The following RABGAP1L variants were observed in gnomAD, a reference collection of about 807,000 sequenced individuals.
RABGAP1L encodes the protein rab GTPase-activating protein 1-like.
A neutral mutation model predicts 137.7 loss-of-function variants in RABGAP1L; 63 were observed. The ratio of observed to expected loss-of-function variants is 0.46; its 90% CI spans 0.37 to 0.56. The LOEUF (loss-of-function observed/expected upper bound fraction) is 0.56. Ranked by LOEUF, RABGAP1L falls within the 20% of genes least tolerant of loss-of-function variation. The pLI is 0.00. For synonymous variants in RABGAP1L, 431 were observed against 433.7 expected, an observed-to-expected ratio of 0.99 and a Z score of 0.08; for missense variants, 1,095 against 1,244.0, an observed-to-expected ratio of 0.88 and a Z score of 1.80.
intron 14 of RABGAP1L, among the ~76,000 whole-genome samples, chr1:174,640,294 A>G (rs1171586525): frequency 1.3e-5 from 2 of 152,114 alleles, no homozygotes; most frequent in Admixed American, 6.6e-5. Flanking sequence ...CAAATAGGAT[A>G]GCATATCTAT....
At chr1:174,257,011 T>G (rs1673191877) in intron 7 of RABGAP1L, among the ~76,000 whole-genome samples, 1 of 152,144 alleles carries the variant, frequency 6.6e-6, no homozygotes, top group East Asian at 1.9e-4. Context: ...TAACTACTTG[T>G]TATTGATATA....
chr1:174,413,669 C>T (rs974884879), intron 13 of RABGAP1L, among the ~76,000 whole-genome samples: 1 of 151,994 alleles, frequency 6.6e-6, no homozygotes, highest in Non-Finnish European at 1.5e-5. Flanking sequence ...GTACCCTCCT[C>T]CCCCCCTTTC....
At chr1:174,959,644 G>C (rs914857687) in intron 20 of RABGAP1L, among the ~76,000 whole-genome samples, 1 of 152,006 alleles carries the variant, frequency 6.6e-6, no homozygotes, top group African/African-American at 2.4e-5. Context: ...TACACATATC[G>C]GATACCCTCT....
intron 13 of RABGAP1L, among the ~76,000 whole-genome samples, chr1:174,525,728 G>T (rs903045760): frequency 6.6e-6 from 1 of 151,970 alleles, no homozygotes; most frequent in Non-Finnish European, 1.5e-5. Flanking sequence ...TAGAGGAAAG[G>T]CTTTCAACTT....
intron 19 of RABGAP1L, among the ~76,000 whole-genome samples, chr1:174,837,194 C>G (rs895495880): frequency 3.0e-5 from 4 of 135,406 alleles, no homozygotes; most frequent in African/African-American, 1.1e-4. Context: ...GCAACAAGAG[C>G]AAAACTCGGT....
At chr1:174,273,115 GAGTA>G (rs548860579) in intron 8 of RABGAP1L, among the ~76,000 whole-genome samples, 149 of 152,096 alleles carry the variant, frequency 9.8e-4, no homozygotes, top group African/African-American at 3.2e-3. Flanking sequence ...AATCATCTTA[GAGTA>G]AGTATAAAGT....
intron 13 of RABGAP1L, among the ~76,000 whole-genome samples, chr1:174,428,394 C>T (rs756798419): frequency 1.6e-4 from 24 of 152,104 alleles, no homozygotes; most frequent in Non-Finnish European, 1.6e-4. Flanking sequence ...TTAGTGCTTT[C>T]TTGTACAAAG....
chr1:174,552,028 G>C (rs1306524855), intron 13 of RABGAP1L, among the ~76,000 whole-genome samples: 1 of 152,024 alleles, frequency 6.6e-6, no homozygotes, highest in East Asian at 1.9e-4. Flanking sequence ...GAAATTAAAA[G>C]CTCCTGAAAA....
chr1:174,231,229 G>T lies in RABGAP1L; in HGVS notation c.416G>T (p.Cys139Phe). The T allele has an allele frequency of 1.2e-6, 2 of 1,613,784 alleles. No homozygotes were observed. The highest frequency in any genetic ancestry group is 1.7e-6 in the Non-Finnish European group (2 of 1,179,724). The change falls in exon 4 of 26, where the codon TGT becomes TTT. Residue 139 changes from cysteine to phenylalanine, a missense_variant. Physicochemically the swap from Cys to Phe is radical, Grantham distance 205. Transcript: ENST00000681986. Reference sequence around the variant, plus strand: ...TTTAATAAACTGACCTACTTAGGATGTATGAAGGTTTCTTCCCCACGTAAT... The same window carrying T: ...TTTAATAAACTGACCTACTTAGGATTTATGAAGGTTTCTTCCCCACGTAAT... ...VLFNKLTYLG[C>F]MKVSSPRNEV...
intron 18 of RABGAP1L, among the ~76,000 whole-genome samples, chr1:174,777,737 T>C (rs1226036723): frequency 6.6e-6 from 1 of 152,156 alleles, no homozygotes; most frequent in Non-Finnish European, 1.5e-5. Context: ...AATTACAATG[T>C]CTGATAGAAC....
chr1:174,940,851 T>TA (rs1199523009), intron 19 of RABGAP1L, among the ~76,000 whole-genome samples: 4 of 152,246 alleles, frequency 2.6e-5, no homozygotes, highest in Non-Finnish European at 5.9e-5. Flanking sequence ...AAACATCTGT[T>TA]AAGACCATCT....
intron 11 of RABGAP1L, among the ~76,000 whole-genome samples, chr1:174,323,137 A>G (rs189373161): frequency 6.6e-6 from 1 of 152,256 alleles, no homozygotes; most frequent in Non-Finnish European, 1.5e-5. Context: ...CTGTCCTACT[A>G]TGTTTGAAGA....
At chr1:174,420,939 T>C (rs1651210486) in intron 13 of RABGAP1L, among the ~76,000 whole-genome samples, 1 of 152,160 alleles carries the variant, frequency 6.6e-6, no homozygotes, top group Non-Finnish European at 1.5e-5. Flanking sequence ...CCTCCCAAAG[T>C]GCTGGGATTA....
At chr1:174,449,881 A>C (rs1049151215) in intron 13 of RABGAP1L, among the ~76,000 whole-genome samples, 6 of 152,120 alleles carry the variant, frequency 3.9e-5, no homozygotes, top group Non-Finnish European at 5.9e-5. Flanking sequence ...GTTTCCTAAC[A>C]GTCTCCTGTT....
intron 19 of RABGAP1L, among the ~76,000 whole-genome samples, chr1:174,842,964 TTACC>T (rs1346723763): frequency 6.6e-6 from 1 of 152,154 alleles, no homozygotes; most frequent in Non-Finnish European, 1.5e-5. Flanking sequence ...GCCATGGGAC[TTACC>T]TATTTGTTTG....
At chr1:174,550,441 A>G (rs1310607268) in intron 13 of RABGAP1L, among the ~76,000 whole-genome samples, 1 of 152,196 alleles carries the variant, frequency 6.6e-6, no homozygotes, top group Non-Finnish European at 1.5e-5. Context: ...GCCTTACTCC[A>G]GTAACTATCT....
At chr1:174,209,363 C>T (rs1229736238) in intron 1 of RABGAP1L, among the ~76,000 whole-genome samples, 3 of 152,104 alleles carry the variant, frequency 2.0e-5, no homozygotes, top group East Asian at 3.9e-4. Context: ...GAGGGGAGCC[C>T]TCTGCCCTGA....
intron 19 of RABGAP1L, among the ~76,000 whole-genome samples, chr1:174,911,237 T>C (rs1039991831): frequency 6.6e-5 from 10 of 152,222 alleles, no homozygotes; most frequent in Non-Finnish European, 1.5e-5. Flanking sequence ...TTGCAGGTTG[T>C]CTTTTCACTT....
At chr1:174,526,530 A>G (rs1663889446) in intron 13 of RABGAP1L, among the ~76,000 whole-genome samples, 1 of 152,012 alleles carries the variant, frequency 6.6e-6, no homozygotes, top group Admixed American at 6.5e-5. Context: ...TGGTCTTTTC[A>G]GGTTTTCTGT....
Sources: allele counts gnomAD v4.1 joint callset (sites outside exome capture counted in the v4.1 genomes callset), GRCh38; gene constraint gnomAD v4.1.1; transcripts MANE v1.5; gene names NCBI Gene and HGNC (gene_info 2026-07-23, HGNC 2026-07-21).